The following RSRC1 variants were observed in gnomAD, a reference collection of about 807,000 sequenced individuals.
RSRC1 encodes the protein arginine and serine rich coiled-coil 1, also known as serine/Arginine-related protein 53.
A neutral mutation model predicts 49.1 loss-of-function variants in RSRC1; 39 were observed. The ratio of observed to expected loss-of-function variants is 0.79; its 90% CI spans 0.61 to 1.04. The LOEUF is 1.04. Among genes scored for constraint, RSRC1 ranks in the 50% least tolerant of loss-of-function variants. The pLI is 0.00. For missense variants in RSRC1, 388 were observed against 402.4 expected, an observed-to-expected ratio of 0.96 and a Z score of 0.31; for synonymous variants, 143 against 130.8, an observed-to-expected ratio of 1.09 and a Z score of -0.63.
chr3:158,128,214 C>T (rs368156261), intron 3 of RSRC1, among the ~76,000 whole-genome samples: 1 of 152,210 alleles, frequency 6.6e-6, no homozygotes. Context: ...GTTGGACTTA[C>T]ATTCCATGCT....
chr3:158,150,942 A>C (rs1305721470), intron 3 of RSRC1, among the ~76,000 whole-genome samples: 1 of 152,210 alleles, frequency 6.6e-6, no homozygotes, highest in Non-Finnish European at 1.5e-5. Flanking sequence ...TATACCAGTC[A>C]GATTTGCCAT....
intron 3 of RSRC1, among the ~76,000 whole-genome samples, chr3:158,161,179 T>C (rs527326390): frequency 2.0e-5 from 3 of 152,280 alleles, no homozygotes; most frequent in Admixed American, 6.5e-5. Flanking sequence ...ACAAAAAGTA[T>C]TTATTGCTCA....
chr3:158,464,120 T>C (rs1297045181), intron 7 of RSRC1, among the ~76,000 whole-genome samples: 1 of 152,164 alleles, frequency 6.6e-6, no homozygotes. Flanking sequence ...ATAATTGACT[T>C]ACTCTTTTTC....
chr3:158,226,544 T>C (rs1224374950), intron 4 of RSRC1, among the ~76,000 whole-genome samples: 1 of 151,950 alleles, frequency 6.6e-6, no homozygotes, highest in Non-Finnish European at 1.5e-5. Flanking sequence ...ATGTTTGACA[T>C]TGCTGAGTAG....
At chr3:158,391,669 C>CTG (rs1393088299) in intron 6 of RSRC1, among the ~76,000 whole-genome samples, 1 of 152,072 alleles carries the variant, frequency 6.6e-6, no homozygotes. Context: ...ATCTCAGGGA[C>CTG]TGGGAGGGTG....
chr3:158,151,479 C>T (rs1346357403), intron 3 of RSRC1, among the ~76,000 whole-genome samples: 1 of 152,100 alleles, frequency 6.6e-6, no homozygotes, highest in Non-Finnish European at 1.5e-5. Context: ...GTGTTCATGA[C>T]CTACTTCAGG....
intron 6 of RSRC1, among the ~76,000 whole-genome samples, chr3:158,416,272 A>C (rs912454378): frequency 2.0e-5 from 3 of 151,928 alleles, no homozygotes; most frequent in Admixed American, 2.0e-4. Context: ...CTATGTCCCC[A>C]AAATTCTTTG....
In RSRC1 at chr3:158,230,797, G is replaced by A. The variant is rs532981273; in HGVS notation, c.494+27552G>A. On this transcript the variant is annotated intron_variant, in intron 4 of 9. Coordinates refer to ENST00000611884, the MANE Select transcript of RSRC1 (RefSeq NM_001271838.2). ...ATTACCGCTCTTCCATATCAAATCT[G>A]GAATACTTCATTATTTGTATACTCC... Among the ~76,000 whole-genome samples, 13 of 151,848 alleles carry A rather than the reference G, an allele frequency of 8.6e-5. No homozygotes were observed. The East Asian group carries it at 1.4e-3, about 16-fold the overall frequency.
intron 5 of RSRC1, among the ~76,000 whole-genome samples, chr3:158,346,504 G>GAT (rs1730561792): frequency 6.6e-6 from 1 of 152,158 alleles, no homozygotes; most frequent in Admixed American, 6.5e-5. Flanking sequence ...TACCAAGGAA[G>GAT]ATATATGGAT....
chr3:158,460,423 A>G (rs764536425), intron 6 of RSRC1, among the ~76,000 whole-genome samples: 3 of 151,962 alleles, frequency 2.0e-5, no homozygotes, highest in Non-Finnish European at 4.4e-5. Context: ...AGAGGTTTCT[A>G]GAGGGAAAGA....
At position 158,113,955 on chromosome 3, in the gene RSRC1, G is replaced by A. The variant is rs137927343; in HGVS notation, c.-3+3732G>A. ...ATTTTCCTCTATAGATTGTCTGTTC[G>A]TTCTGATGATAATTTCTTTTGCTGT... On this transcript the variant is annotated intron_variant, in intron 1 of 9. Coordinates refer to ENST00000611884, the MANE Select transcript of RSRC1 (RefSeq NM_001271838.2). 8.3e-3 allele frequency among the ~76,000 whole-genome samples: 1,258 copies of A among 151,806 alleles called. 13 individuals are homozygous for A. The highest frequency in any genetic ancestry group is 0.014 in the Non-Finnish European group (942 of 67,952).
chr3:158,383,416 C>T (rs1357132997), intron 6 of RSRC1, among the ~76,000 whole-genome samples: 6 of 152,032 alleles, frequency 3.9e-5, no homozygotes, highest in African/African-American at 1.4e-4. Flanking sequence ...AATCAATCCT[C>T]TGTGGATGTG....
chr3:158,504,909 A>G (rs910192489), intron 7 of RSRC1, among the ~76,000 whole-genome samples: 1 of 152,166 alleles, frequency 6.6e-6, no homozygotes, highest in East Asian at 1.9e-4. Context: ...TTTGTTAGGT[A>G]TTTCCTTTAG....
intron 7 of RSRC1, among the ~76,000 whole-genome samples, chr3:158,470,359 C>CATATATATATAT (rs1219686437): frequency 1.1e-5 from 1 of 93,274 alleles, no homozygotes; most frequent in Non-Finnish European, 2.4e-5. Context: ...CACACACACA[C>CATATATATATAT]ACATATATAT....
At chr3:158,462,801 T>G (rs1477558426) in intron 7 of RSRC1, among the ~76,000 whole-genome samples, 5 of 152,028 alleles carry the variant, frequency 3.3e-5, no homozygotes, top group Admixed American at 3.3e-4. Flanking sequence ...TAATTTAGAC[T>G]TTTCACTAAA....
At chr3:158,273,529 T>G (rs1161803233) in intron 4 of RSRC1, among the ~76,000 whole-genome samples, 1 of 152,154 alleles carries the variant, frequency 6.6e-6, no homozygotes, top group Non-Finnish European at 1.5e-5. Flanking sequence ...TATCCCCCAT[T>G]CTATCGCAAT....
chr3:158,518,985 C>G (rs1489313362), intron 7 of RSRC1, among the ~76,000 whole-genome samples: 5 of 152,074 alleles, frequency 3.3e-5, no homozygotes, highest in Admixed American at 3.3e-4. Context: ...AGTACAGGCT[C>G]TCTCTTCCGA....
chr3:158,423,451 C>G (rs1402413980), intron 6 of RSRC1, among the ~76,000 whole-genome samples: 4 of 152,070 alleles, frequency 2.6e-5, no homozygotes, highest in African/African-American at 4.8e-5. Context: ...TGTTTTGGTA[C>G]CAGTACCATG....
intron 6 of RSRC1, among the ~76,000 whole-genome samples, chr3:158,452,629 G>A (rs767814440): frequency 2.0e-5 from 3 of 152,182 alleles, no homozygotes; most frequent in Non-Finnish European, 2.9e-5. Context: ...TAGTGTTAAT[G>A]TGGAAAGTAC....
Sources: allele counts gnomAD v4.1 joint callset (sites outside exome capture counted in the v4.1 genomes callset), GRCh38; gene constraint gnomAD v4.1.1; transcripts MANE v1.5; gene names NCBI Gene and HGNC (gene_info 2026-07-23, HGNC 2026-07-21).